GALK1: variants seen among roughly 807,000 people sequenced by gnomAD.
GALK1 encodes the protein galactokinase 1.
GALK1 carries 30 observed loss-of-function variants against 38.6 expected under a neutral mutation model. That is an observed-to-expected ratio of 0.78 (90% confidence interval 0.58 to 1.05). GALK1 has a LOEUF of 1.05. Ranked by LOEUF, GALK1 falls within the 50% of genes least tolerant of loss-of-function variation. The pLI is 0.00. For synonymous variants in GALK1, 240 were observed against 233.6 expected (o/e 1.03, Z -0.25); for missense variants, 512 against 540.5 (o/e 0.95, Z 0.52).
At chr17:75,754,477 C>T, downstream of GALK1, 1 of 1,519,012 alleles carries the variant, frequency 6.6e-7, no homozygotes, top group East Asian at 2.3e-5. Flanking sequence ...CAAAAGCCAC[C>T]CAGAGGGTGG....
Position 75,764,482 on chromosome 17 carries a change from C to T in GALK1, c.166-396G>A, listed in dbSNP as rs1049609411. 1.7e-5 allele frequency: 9 copies of T among 537,226 alleles called. 1 individual carries two copies. The Middle Eastern group carries it at 9.0e-4, about 54-fold the overall frequency. The allele number at this position is 537,226 out of a possible 1,614,324, so 33.3% of individuals were successfully genotyped here. A position where few individuals can be genotyped will look rare whatever the true frequency, so the allele number is the denominator to read the frequency against. ...CCCCCCGCTGAAAGCTGGGAGTCCT[C>T]ACTCCCAAGTCGCAGCCCCGCCAAG... On this transcript the variant is annotated intron_variant, in intron 1 of 7. Transcript: ENST00000588479.
chr17:75,764,182 G>A lies in GALK1; in HGVS notation c.166-96C>T. On this transcript the variant is annotated intron_variant, in intron 1 of 7. Coordinates refer to ENST00000588479, the MANE Select transcript of GALK1 (RefSeq NM_000154.2). ...CAGCCGAGGTTCTGATGCCTCCACA[G>A]TCATCAGGTTCTGAACCTCCAGGTT... 5 of 1,144,632 alleles carry A rather than the reference G, an allele frequency of 4.4e-6. No homozygotes were observed. The South Asian group carries it at 5.1e-5, about 12-fold the overall frequency. 70.9% of individuals were successfully genotyped at this position (1,144,632 alleles called of 1,614,324 possible). A position where few individuals can be genotyped will look rare whatever the true frequency, so the allele number is the denominator to read the frequency against.
intron 5 of GALK1, among the ~76,000 whole-genome samples, chr17:75,761,389 A>G (rs2061586644): frequency 6.6e-6 from 1 of 151,926 alleles, no homozygotes; most frequent in African/African-American, 2.4e-5. Context: ...TGGGAGGCTG[A>G]GGCGGGCAGA....
At chr17:75,764,720 C>T (rs1226627224) in intron 1 of GALK1, 2 of 618,854 alleles carry the variant, frequency 3.2e-6, no homozygotes, top group Non-Finnish European at 5.8e-6. Context: ...GGCGAGGAGC[C>T]CCAGCCCCCA....
At chr17:75,756,558 AGGGTGT>A, downstream of GALK1, 1 of 1,613,224 alleles carries the variant, frequency 6.2e-7, no homozygotes, top group Non-Finnish European at 8.5e-7. Flanking sequence ...CGAGAGCGTG[AGGGTGT>A]CATCACCATT....
At chr17:75,762,258 A>G (rs2061590458) in intron 5 of GALK1, among the ~76,000 whole-genome samples, 1 of 151,554 alleles carries the variant, frequency 6.6e-6, no homozygotes, top group Admixed American at 6.6e-5. Context: ...TCAAGTTTGC[A>G]GTAAGCTATG....
chr17:75,753,593 C>T (rs1403053987), downstream of GALK1, among the ~76,000 whole-genome samples: 1 of 152,172 alleles, frequency 6.6e-6, no homozygotes, highest in Non-Finnish European at 1.5e-5. Context: ...TTTCACCTGC[C>T]GCGGCCTTCC....
At position 75,758,527 on chromosome 17, in the gene GALK1, G is replaced by T; in HGVS notation, c.866C>A (p.Ala289Asp). The T allele has an allele frequency of 6.3e-7, 1 of 1,590,484 alleles. No individual in the cohort carries two copies. The highest frequency in any genetic ancestry group is 1.1e-5 in the South Asian group (1 of 88,324). ...ACGTCTCAGGGCGGCCGCTGCCTGG[G>T]CCGTGCGCCGAATCTCCCCCACCAC... is the stretch of plus-strand genomic sequence containing the variant. ...RHVVGEIRRT[A>D]QAAAALRRGD... Residue 289 changes from alanine (A) to aspartate (D), a missense_variant, in exon 6 of 8, where the codon GCC becomes GAC. Ala to Asp is a moderately radical substitution (Grantham distance 126, BLOSUM62 -2). Transcript: ENST00000588479.
chr17:75,759,435 AAG>A (rs774412687), intron 5 of GALK1, among the ~76,000 whole-genome samples: 34 of 92,278 alleles, frequency 3.7e-4, no homozygotes, highest in East Asian at 1.1e-3. Flanking sequence ...CTCAAAAAAA[AAG>A]AAAGAAAGAA....
intron 5 of GALK1, among the ~76,000 whole-genome samples, chr17:75,759,822 C>A: frequency 6.6e-6 from 1 of 152,176 alleles, no homozygotes; most frequent in East Asian, 1.9e-4. Flanking sequence ...GAGATAGGCA[C>A]ACCTACACTG....
At chr17:75,756,944 G>A (rs148658410), downstream of GALK1, 256 of 1,612,374 alleles carry the variant, frequency 1.6e-4, 3 homozygotes, top group East Asian at 2.9e-3. Context: ...CCTGCTCAGG[G>A]CCAGCCACCG....
downstream of GALK1, chr17:75,753,993 G>GC (rs1568382583): frequency 9.1e-7 from 1 of 1,103,342 alleles, no homozygotes; most frequent in Non-Finnish European, 1.2e-6. Flanking sequence ...CTCACCCGCC[G>GC]CCCCCCGATC....
downstream of GALK1, chr17:75,755,947 C>G (rs1166731714): frequency 6.9e-7 from 1 of 1,440,992 alleles, no homozygotes; most frequent in Non-Finnish European, 9.4e-7. Flanking sequence ...GGAACCCACC[C>G]AAGTCCCTTG....
At position 75,758,577 on chromosome 17, in the gene GALK1, T is replaced by C; in HGVS notation, c.816A>G (p.Lys272=). ...ELEAARDLVS[K]EGFRRARHVV... is the part of the protein sequence containing the mutation. The stretch of plus-strand genomic sequence containing the variant: ...CGTGCCGGGCCCGCCGGAAGCCCTC[T>C]TTGCTCACCAGGTCCCTGGCAGCTG... The change falls in exon 6 of 8, where the codon AAA becomes AAG. Residue 272 remains lysine (K), a synonymous_variant. Coordinates refer to ENST00000588479, the MANE Select transcript of GALK1 (RefSeq NM_000154.2). The C allele has an allele frequency of 6.3e-7, 1 of 1,596,936 alleles. No individual in the cohort carries two copies. Among genetic ancestry groups the C allele is most frequent in the South Asian group, 1.1e-5 (1 of 89,872 alleles).
At chr17:75,756,369 G>T, downstream of GALK1, 1 of 1,586,880 alleles carries the variant, frequency 6.3e-7, no homozygotes, top group Non-Finnish European at 8.6e-7. Context: ...GGACGAGGAG[G>T]ATCAGGCCAG....
chr17:75,762,480 A>C (rs1046262016), intron 5 of GALK1, among the ~76,000 whole-genome samples: 1 of 152,154 alleles, frequency 6.6e-6, no homozygotes, highest in Admixed American at 6.5e-5. Context: ...ACTTTTCTAC[A>C]TTTTCCACAA....
At chr17:75,756,850 C>T (rs781327284), downstream of GALK1, 2 of 1,612,296 alleles carry the variant, frequency 1.2e-6, no homozygotes, top group Non-Finnish European at 1.7e-6. Flanking sequence ...TGAGATGGCC[C>T]AAGGAGGAGG....
intron 1 of GALK1, 159 bp from the exon 2 acceptor site, chr17:75,764,245 T>C: frequency 3.7e-6 from 3 of 816,406 alleles, no homozygotes; most frequent in Non-Finnish European, 6.4e-6. Flanking sequence ...CAGCTGACCT[T>C]GGGGGCTTGA....
Position 75,758,538 on chromosome 17 carries a change from A to G in GALK1, c.855T>C (p.Ile285=), listed in dbSNP as rs1317231613. 3 of 1,594,746 alleles carry G rather than the reference A, an allele frequency of 1.9e-6. No individual in the cohort carries two copies. In the South Asian group the frequency reaches 3.4e-5, roughly 18 times the overall value. ...CGGCCGCTGCCTGGGCCGTGCGCCG[A>G]ATCTCCCCCACCACGTGCCGGGCCC... is the stretch of plus-strand genomic sequence containing the variant. ...FRRARHVVGE[I]RRTAQAAAAL... Residue 285 remains isoleucine, a synonymous_variant, in exon 6 of 8, where the codon ATT becomes ATC. Transcript: ENST00000588479.
Sources: allele counts gnomAD v4.1 joint callset (sites outside exome capture counted in the v4.1 genomes callset), GRCh38; gene constraint gnomAD v4.1.1; transcripts MANE v1.5; gene names NCBI Gene and HGNC (gene_info 2026-07-23, HGNC 2026-07-21).